Variants in PCDHGA4 observed in about 807,000 individuals in gnomAD.
The protein encoded by PCDHGA4 is protocadherin gamma subfamily A, 4.
A neutral mutation model predicts 54.6 loss-of-function variants in PCDHGA4; 38 were observed. That is an observed-to-expected ratio of 0.70 (90% CI 0.54 to 0.91). The LOEUF (loss-of-function observed/expected upper bound fraction) is 0.91. Among genes scored for constraint, PCDHGA4 ranks in the 40% least tolerant of loss-of-function variants. The pLI, the probability that PCDHGA4 is intolerant of heterozygous loss-of-function variation, is 0.00. For synonymous variants in PCDHGA4, 511 were observed against 512.9 expected, an observed-to-expected ratio of 1.00 and a Z score of 0.05; for missense variants, 1,298 against 1,220.9, an observed-to-expected ratio of 1.06 and a Z score of -0.94.
intron 1 of PCDHGA4, among the ~76,000 whole-genome samples, chr5:141,442,784 A>C (rs1267270442): frequency 2.0e-5 from 3 of 152,212 alleles, no homozygotes; most frequent in Non-Finnish European, 4.4e-5. Flanking sequence ...ATTATATTTT[A>C]TAATTTTACT....
rs572282329 is a variant in PCDHGA4 at position 141,388,648 on chromosome 5, T to A, written c.2514+31027T>A. On this transcript the variant is annotated intron_variant, in intron 1 of 3. Coordinates refer to ENST00000571252, the MANE Select transcript of PCDHGA4 (RefSeq NM_018917.4). ...TACAGGGTGAGCCTTTCAGAAAACG[T>A]GTACCCGGGGACCACGGTGCTACAG... is the stretch of plus-strand genomic sequence containing the variant. 5 of 1,613,938 alleles carry A rather than the reference T, an allele frequency of 3.1e-6. No homozygotes were observed. The East Asian group carries it at 8.9e-5, about 29-fold the overall frequency.
chr5:141,509,873 G>C (rs2099878704), intron 3 of PCDHGA4, among the ~76,000 whole-genome samples: 1 of 152,196 alleles, frequency 6.6e-6, no homozygotes, highest in South Asian at 2.1e-4. Flanking sequence ...CAAGCTGCTG[G>C]TGGTGATGGT....
chr5:141,404,970 C>A (rs1470955697), intron 1 of PCDHGA4: 1 of 1,613,940 alleles, frequency 6.2e-7, no homozygotes, highest in Non-Finnish European at 8.5e-7. Flanking sequence ...GACATCCTGG[C>A]TGACCTGGGC....
chr5:141,375,007 C>T (rs369489853), intron 1 of PCDHGA4: 1 of 1,614,000 alleles, frequency 6.2e-7, no homozygotes, highest in African/African-American at 1.3e-5. Context: ...CAAATCTAGA[C>T]TATGAGGACT....
intron 1 of PCDHGA4, chr5:141,415,515 G>C: frequency 6.2e-7 from 1 of 1,614,152 alleles, no homozygotes; most frequent in Non-Finnish European, 8.5e-7. Flanking sequence ...CCAATTATGC[G>C]GACACGCTCA....
chr5:141,427,087 A>T, intron 1 of PCDHGA4: 1 of 458,198 alleles, frequency 2.2e-6, no homozygotes, highest in Non-Finnish European at 4.4e-6. Flanking sequence ...ACTGACCAGG[A>T]TGAGGGTGTC....
intron 1 of PCDHGA4, chr5:141,419,647 G>A (rs370948584): frequency 1.0e-4 from 165 of 1,612,474 alleles, no homozygotes; most frequent in Non-Finnish European, 1.4e-4. Context: ...CCGTGGACGC[G>A]GACTCGGGGC....
chr5:141,432,601 G>C lies in PCDHGA4; in HGVS notation c.2515-62206G>C. The C allele has an allele frequency of 6.2e-7, 1 of 1,613,952 alleles. No homozygotes were observed. The highest frequency in any genetic ancestry group is 8.5e-7 in the Non-Finnish European group (1 of 1,179,984). On this transcript the variant is annotated intron_variant, in intron 1 of 3. Coordinates refer to ENST00000571252, the MANE Select transcript of PCDHGA4 (RefSeq NM_018917.4). The surrounding 1 kb of genome is among the most constrained non-coding windows in gnomAD (Gnocchi z 6.0). ...ACCGTCTGCTCAAGGCCAGCGAGCC[G>C]GGACTCTTCTCGGTGGGTCTGCACA...
intron 1 of PCDHGA4, chr5:141,421,906 G>C: frequency 6.2e-7 from 1 of 1,613,770 alleles, no homozygotes; most frequent in Non-Finnish European, 8.5e-7. Context: ...AAAGGGCGCA[G>C]TTCCCATTCG....
At chr5:141,398,517 G>C (rs754431224) in intron 1 of PCDHGA4, 38 of 1,592,096 alleles carry the variant, frequency 2.4e-5, no homozygotes, top group Non-Finnish European at 3.1e-5. Flanking sequence ...ATGACCACAC[G>C]CCAAAATTCA....
rs765634746 is a variant in PCDHGA4 at position 141,418,621 on chromosome 5, C to A, written c.2514+61000C>A. On this transcript the variant is annotated intron_variant, in intron 1 of 3. Transcript: ENST00000571252. Reference sequence around the variant, plus strand: ...TGTACAGGGTTAGCCTTCGGGAAGACGTGCCTCCAGGCACCTCCATCCTGA... The same window carrying A: ...TGTACAGGGTTAGCCTTCGGGAAGAAGTGCCTCCAGGCACCTCCATCCTGA... 8 of 1,614,034 alleles carry A rather than the reference C, an allele frequency of 5.0e-6. No individual in the cohort carries two copies. The East Asian group carries it at 1.8e-4, about 36-fold the overall frequency.
rs753872725 is a variant in PCDHGA4, at chr5:141,423,153, C to T, written c.2514+65532C>T. ...TGGACAGAGACGCGCTCAAGCAGAG[C>T]CTCGTGGTGGCCGTCCAGGACCACG... On this transcript the variant is annotated intron_variant, in intron 1 of 3. Transcript: ENST00000571252. The T allele has an allele frequency of 3.7e-6, 6 of 1,613,482 alleles. No homozygotes were observed. The East Asian group carries it at 8.9e-5, about 24-fold the overall frequency.
intron 1 of PCDHGA4, chr5:141,382,846 G>T: frequency 1.4e-6 from 2 of 1,475,644 alleles, no homozygotes; most frequent in Non-Finnish European, 9.1e-7. Context: ...GGATACACCC[G>T]CATTCTGAAG....
chr5:141,383,807 C>T, intron 1 of PCDHGA4: 7 of 1,613,926 alleles, frequency 4.3e-6, no homozygotes, highest in Non-Finnish European at 5.9e-6. Flanking sequence ...GAAATATCAA[C>T]TTTAGAAGGA....
At position 141,421,474 on chromosome 5, in the gene PCDHGA4, G is replaced by C. The variant is rs1320526226; in HGVS notation, c.2514+63853G>C. 4 of 1,614,132 alleles carry C rather than the reference G, an allele frequency of 2.5e-6. No homozygotes were observed. The African/African-American group carries it at 5.3e-5, about 21-fold the overall frequency. On this transcript the variant is annotated intron_variant, in intron 1 of 3. Coordinates refer to ENST00000571252, the MANE Select transcript of PCDHGA4 (RefSeq NM_018917.4). ...GCTTTTCGCTGTGAATCCGCGAAGCGGCAGCTTGATCACGGCAGGCAGGAT... is the reference window on the plus strand; with the variant it reads ...GCTTTTCGCTGTGAATCCGCGAAGCCGCAGCTTGATCACGGCAGGCAGGAT...
At position 141,489,870 on chromosome 5, in the gene PCDHGA4, G is replaced by T; in HGVS notation, c.2515-4937G>T. On this transcript the variant is annotated intron_variant, in intron 1 of 3. Transcript: ENST00000571252. The surrounding 1 kb of genome is among the most constrained non-coding windows in gnomAD (Gnocchi z 4.5). ...GTGAAGCCCAGGCAAGACATCAGCT[G>T]GTGCTTACTGCTGTGGATGGGGGGA... 1.2e-6 allele frequency: 2 copies of T among 1,614,220 alleles called. No individual in the cohort carries two copies. The highest frequency in any genetic ancestry group is 1.7e-6 in the Non-Finnish European group (2 of 1,180,024).
At position 141,496,266 on chromosome 5, in the gene PCDHGA4, AAGACCTTC is replaced by A. The variant is rs2099767586; in HGVS notation, c.2573+1404_2573+1411del. Among the ~76,000 whole-genome samples the A allele has an allele frequency of 2.0e-5, 3 of 152,152 alleles. No homozygotes were observed. The South Asian group carries it at 6.2e-4, about 32-fold the overall frequency. Reference sequence around the variant, plus strand: ...TGAAGGGGAGGGAAACTTCAGCAGAAAGACCTTCAGTTGGTCTGAGCAGAGTGGGATAG... The same window carrying A: ...TGAAGGGGAGGGAAACTTCAGCAGAAAGTTGGTCTGAGCAGAGTGGGATAG... On this transcript the variant is annotated intron_variant, in intron 2 of 3. Coordinates refer to ENST00000571252, the MANE Select transcript of PCDHGA4 (RefSeq NM_018917.4).
rs1273620361 is a variant in PCDHGA4, at chr5:141,486,809, A to G, written c.2515-7998A>G. 1 of 1,614,106 alleles carries G rather than the reference A, an allele frequency of 6.2e-7. No homozygotes were observed. The highest frequency in any genetic ancestry group is 1.3e-5 in the African/African-American group (1 of 74,936). On this transcript the variant is annotated intron_variant, in intron 1 of 3. Coordinates refer to ENST00000571252, the MANE Select transcript of PCDHGA4 (RefSeq NM_018917.4). This position sits in a 1 kb window ranked among gnomAD's most constrained non-coding sequence, Gnocchi z 5.0. ...CCGGGATCGGGGCAACCCACCCCTT[A>G]GCAGCACTGTAACAGTTCGTCTATT...
chr5:141,368,326 T>A (rs1444418576), intron 1 of PCDHGA4, among the ~76,000 whole-genome samples: 3 of 152,122 alleles, frequency 2.0e-5, no homozygotes, highest in Non-Finnish European at 2.9e-5. Context: ...TTCAAGTATA[T>A]CTATATCTAT....
Sources: allele counts gnomAD v4.1 joint callset (sites outside exome capture counted in the v4.1 genomes callset), GRCh38; gene constraint gnomAD v4.1.1; non-coding constraint Gnocchi (gnomAD v3.1); transcripts MANE v1.5; gene names NCBI Gene and HGNC (gene_info 2026-07-23, HGNC 2026-07-21).